The following ULK4 variants were observed in gnomAD, a reference collection of about 807,000 sequenced individuals.
ULK4 encodes unc-51 like kinase 4.
In ULK4, 133 loss-of-function variants were observed where a neutral mutation model predicts 160.6. That is an observed-to-expected ratio of 0.83 (90% CI 0.72 to 0.96). ULK4 has a LOEUF of 0.96. Among genes scored for constraint, ULK4 ranks in the 40% least tolerant of loss-of-function variants. The probability of loss-of-function intolerance (pLI) is 0.00; values close to 1 mark genes in which losing one functional copy is unlikely to be tolerated. For synonymous variants in ULK4, 534 were observed against 539.8 expected (o/e 0.99, Z 0.15); for missense variants, 1,580 against 1,499.5 (o/e 1.05, Z -0.89).
At chr3:41,788,512 G>A (rs1056236561) in intron 21 of ULK4, among the ~76,000 whole-genome samples, 6 of 152,000 alleles carry the variant, frequency 3.9e-5, no homozygotes, top group South Asian at 2.1e-4. Context: ...GTGAAACCCC[G>A]TCTCTACTAA....
intron 35 of ULK4, among the ~76,000 whole-genome samples, chr3:41,275,258 C>T (rs1259665344): frequency 6.6e-6 from 1 of 152,172 alleles, no homozygotes. Flanking sequence ...ACAGAGGAGA[C>T]CTAGAAGTTC....
chr3:41,658,384 G>A (rs1174769124), intron 30 of ULK4, among the ~76,000 whole-genome samples: 42 of 152,178 alleles, frequency 2.8e-4, no homozygotes, highest in Non-Finnish European at 7.4e-5. Context: ...AGCTCCCCAA[G>A]TGATACTAAT....
chr3:41,946,720 G>A lies in ULK4; in HGVS notation c.138+7902C>T, dbSNP rs1013103748. On this transcript the variant is annotated intron_variant, in intron 2 of 36. Coordinates refer to ENST00000301831, the MANE Select transcript of ULK4 (RefSeq NM_017886.4). ...GTGTGTCACAAGTTGTATTCTCATG[G>A]TGAGATAGTTTCTCTGTTGTGATCA... 5.3e-5 allele frequency among the ~76,000 whole-genome samples: 8 copies of A among 152,130 alleles called. 1 individual carries two copies. Among genetic ancestry groups the A allele is most frequent in the Admixed American group, 5.2e-4 (8 of 15,268 alleles).
In ULK4 at chr3:41,426,020, T is replaced by C. The variant is rs142422141; in HGVS notation, c.3493-27756A>G. Among the ~76,000 whole-genome samples the C allele has an allele frequency of 4.8e-3, 731 of 152,306 alleles. 5 individuals carry two copies. Among genetic ancestry groups the C allele is most frequent in the African/African-American group, 0.017 (699 of 41,562 alleles). On this transcript the variant is annotated intron_variant, in intron 34 of 36. Transcript: ENST00000301831. The stretch of plus-strand genomic sequence containing the variant: ...AAAGACTAAAGATCCATCAGTGTGC[T>C]GTATTCAAGAGACCCATCTCACATA...
At chr3:41,644,936 C>A (rs543865245) in intron 30 of ULK4, among the ~76,000 whole-genome samples, 6 of 151,690 alleles carry the variant, frequency 4.0e-5, no homozygotes, top group Non-Finnish European at 7.4e-5. Flanking sequence ...GTGTATGTGT[C>A]GAGGAATTTA....
chr3:41,903,736 T>G (rs1698452642), intron 12 of ULK4, among the ~76,000 whole-genome samples: 1 of 152,094 alleles, frequency 6.6e-6, no homozygotes, highest in East Asian at 1.9e-4. Flanking sequence ...TAAAATAAAA[T>G]GTTCAGGAAT....
chr3:41,567,032 A>C (rs915512263), intron 31 of ULK4, among the ~76,000 whole-genome samples: 2 of 152,124 alleles, frequency 1.3e-5, no homozygotes, highest in Non-Finnish European at 2.9e-5. Flanking sequence ...TCCTGCGCCC[A>C]TTCACCATGA....
intron 29 of ULK4, among the ~76,000 whole-genome samples, chr3:41,670,461 G>T (rs576967143): frequency 1.4e-4 from 21 of 152,116 alleles, no homozygotes; most frequent in East Asian, 7.7e-4. Context: ...CTGGTGTTTT[G>T]CATGGATACA....
intron 30 of ULK4, among the ~76,000 whole-genome samples, chr3:41,647,570 G>C (rs1283534219): frequency 6.6e-6 from 1 of 152,220 alleles, no homozygotes; most frequent in Non-Finnish European, 1.5e-5. Flanking sequence ...TCTCAGAGGA[G>C]TACTGGGCCG....
At chr3:41,356,452 G>A (rs1430196325) in intron 35 of ULK4, among the ~76,000 whole-genome samples, 1 of 152,144 alleles carries the variant, frequency 6.6e-6, no homozygotes, top group African/African-American at 2.4e-5. Flanking sequence ...AGGATATGGT[G>A]GCATCCCAAA....
chr3:41,935,025 T>TTTC, intron 4 of ULK4, among the ~76,000 whole-genome samples: 1 of 140,238 alleles, frequency 7.1e-6, no homozygotes, highest in East Asian at 2.1e-4. Context: ...TAATTTTTTT[T>TTTC]TTTTTTTTTT....
chr3:41,800,330 G>GA, intron 19 of ULK4, 37 bp from the exon 20 acceptor site: 1 of 1,553,726 alleles, frequency 6.4e-7, no homozygotes, highest in African/African-American at 1.4e-5. Context: ...ATTAGTGTGA[G>GA]AAATAAATAC....
intron 32 of ULK4, among the ~76,000 whole-genome samples, chr3:41,518,118 C>T (rs2085813000): frequency 1.3e-5 from 2 of 152,188 alleles, no homozygotes; most frequent in South Asian, 4.2e-4. Context: ...ATGGTGGAAA[C>T]TGTTAATGGA....
rs922235494 is a variant in ULK4 at position 41,762,765 on chromosome 3, C to T, written c.2194-8277G>A. Among the ~76,000 whole-genome samples the T allele has an allele frequency of 4.9e-4, 74 of 151,316 alleles. 1 individual carries two copies. Among genetic ancestry groups the T allele is most frequent in the African/African-American group, 1.6e-3 (67 of 41,184 alleles). On this transcript the variant is annotated intron_variant, in intron 21 of 36. Coordinates refer to ENST00000301831, the MANE Select transcript of ULK4 (RefSeq NM_017886.4). ...GCAAGCTCCGCCTCCCAGGTTCACG[C>T]CATTCTCCTGCCTCAGCCTCCCCAG...
intron 34 of ULK4, among the ~76,000 whole-genome samples, chr3:41,443,902 TATCTACCCTAAGA>T (rs2083230356): frequency 6.6e-6 from 1 of 152,088 alleles, no homozygotes; most frequent in African/African-American, 2.4e-5. Context: ...AGTAGCACAA[TATCTACCCTAAGA>T]ATCTACCCTA....
chr3:41,914,405 T>TAG (rs1333153269), intron 8 of ULK4, among the ~76,000 whole-genome samples: 2 of 152,208 alleles, frequency 1.3e-5, no homozygotes, highest in Admixed American at 1.3e-4. Context: ...GACAAAAATG[T>TAG]AGATCAACAA....
At position 41,938,141 on chromosome 3, in the gene ULK4, A is replaced by AT; in HGVS notation, c.194dup (p.Tyr65Ter). 1.2e-6 allele frequency: 2 copies of AT among 1,613,566 alleles called. No individual in the cohort carries two copies. The highest frequency in any genetic ancestry group is 1.7e-6 in the Non-Finnish European group (2 of 1,179,722). ...HKNIVTFHEW[Y>*]ETSNHLWLVV... ...CTAGCCAGAGGTGGTTGCTTGTTTC[A>AT]TACCATTCATGAAAAGTTACAATAT... The change falls in exon 3 of 37, where the codon TAT (tyrosine) becomes TAAT (stop). Residue 65 changes from tyrosine to a stop codon, truncating the protein, a stop_gained and frameshift_variant. Coordinates refer to ENST00000301831, the MANE Select transcript of ULK4 (RefSeq NM_017886.4). LOFTEE classifies it high-confidence loss of function.
chr3:41,463,207 C>T lies in ULK4; in HGVS notation c.3273G>A (p.Leu1091=), dbSNP rs1372908994. The change falls in exon 33 of 37, where the codon CTG becomes CTA. Residue 1091 remains leucine, a synonymous_variant. Coordinates refer to ENST00000301831, the MANE Select transcript of ULK4 (RefSeq NM_017886.4). The part of the protein sequence containing the change: ...ICNLLTETAT[L]CLDVDNKNNN... ...TGTTTTTATTGTCCACATCCAAGCA[C>T]AGTGTGGCAGTTTCAGTGAGCAGGT... is the stretch of plus-strand genomic sequence containing the variant. 6.2e-7 allele frequency: 1 copy of T among 1,613,316 alleles called. No individual in the cohort carries two copies. The highest frequency in any genetic ancestry group is 8.5e-7 in the Non-Finnish European group (1 of 1,179,634).
chr3:41,331,044 GC>G, intron 35 of ULK4, among the ~76,000 whole-genome samples: 1 of 152,214 alleles, frequency 6.6e-6, no homozygotes. Context: ...CTGCTCTTGG[GC>G]TGTTACTAAA....
Sources: gnomAD v4.1 joint callset for allele counts (sites outside exome capture counted in the v4.1 genomes callset) on GRCh38, gnomAD v4.1.1 for gene constraint, MANE v1.5 for transcripts, NCBI Gene and HGNC (gene_info 2026-07-23, HGNC 2026-07-21) for gene names.